NOD1: variants seen among roughly 807,000 people sequenced by gnomAD.
The protein encoded by NOD1 is nucleotide-binding oligomerization domain-containing protein 1.
In NOD1, 70 loss-of-function variants were observed where a neutral mutation model predicts 81.2. The ratio of observed to expected loss-of-function variants is 0.86; its 90% CI spans 0.71 to 1.05. NOD1 has a LOEUF of 1.05. NOD1 is among the 50% of genes least tolerant of loss of function. The pLI, the probability that NOD1 is intolerant of heterozygous loss-of-function variation, is 0.00. For missense variants in NOD1, 1,233 were observed against 1,228.0 expected, an observed-to-expected ratio of 1.00 and a Z score of -0.06; for synonymous variants, 508 against 526.9, an observed-to-expected ratio of 0.96 and a Z score of 0.49.
Position 30,424,679 on chromosome 7 carries a change from CCT to C in NOD1, c.*957_*958del, listed in dbSNP as rs1423330882. ...TGCTGGCCCAGTTCCCAGCCGATCC[CCT>C]GAGTCTTGGCGCCCGTTTAGTCACC... On this transcript the variant is annotated 3_prime_UTR_variant, in exon 14 of 14. Coordinates refer to ENST00000222823, the MANE Select transcript of NOD1 (RefSeq NM_006092.4). 7 of 152,232 alleles carry C rather than the reference CCT, an allele frequency of 4.6e-5. No individual in the cohort carries two copies. The highest frequency in any genetic ancestry group is 2.0e-4 in the Admixed American group (3 of 15,284). 9.4% of individuals were successfully genotyped at this position (152,232 alleles called of 1,614,324 possible).
rs61757653 is a variant in NOD1 at position 30,456,902 on chromosome 7, C to T, written c.20G>A (p.Ser7Asn). 7.0e-4 allele frequency: 1,134 copies of T among 1,614,042 alleles called. 1 individual carries two copies. Among genetic ancestry groups the T allele is most frequent in the Non-Finnish European group, 9.3e-4 (1,102 of 1,179,992 alleles). The change falls in exon 4 of 14, where the codon AGT (serine) becomes AAT (asparagine). Residue 7 changes from serine (S) to asparagine (N), a missense_variant. By Grantham distance (46) the Ser-to-Asn change is conservative. Coordinates refer to ENST00000222823, the MANE Select transcript of NOD1 (RefSeq NM_006092.4). MEEQGH[S>N]EMEIIPSESH... The stretch of plus-strand genomic sequence containing the variant: ...CTCTGATGGGATTATTTCCATCTCA[C>T]TGTGGCCCTGCTCTTCCATAGTTAA...
rs781489015 is a variant in NOD1, at chr7:30,455,166, T to A, written c.347A>T (p.Gln116Leu). The A allele has an allele frequency of 4.3e-6, 7 of 1,614,014 alleles. No individual in the cohort carries two copies. In the East Asian group the frequency reaches 1.6e-4, roughly 36 times the overall value. The stretch of plus-strand genomic sequence containing the variant: ...GTCAGTGTTGACCACGACTTTGCTC[T>A]GAGTGAGCAGGGAAGGGGAGAAGCC... ...EIGFSPSLLT[Q>L]SKVVVNTDPV... The change falls in exon 5 of 14, where the codon CAG (glutamine) becomes CTG (leucine). Residue 116 changes from glutamine (Q) to leucine (L), a missense_variant. Gln to Leu is a moderately radical substitution (Grantham distance 113). Transcript: ENST00000222823.
At chr7:30,458,816 A>G (rs1364022293) in intron 3 of NOD1, among the ~76,000 whole-genome samples, 6 of 150,320 alleles carry the variant, frequency 4.0e-5, no homozygotes, top group African/African-American at 1.5e-4. Context: ...GGCTCACTGC[A>G]ACATCTGCCT....
intron 1 of NOD1, chr7:30,468,988 G>A: frequency 1.0e-6 from 1 of 985,430 alleles, no homozygotes; most frequent in Non-Finnish European, 1.2e-6. Flanking sequence ...ACAGCATCTG[G>A]CAGGAGCCAG....
intron 4 of NOD1, among the ~76,000 whole-genome samples, chr7:30,456,371 GC>G (rs1203171633): frequency 1.3e-5 from 2 of 152,180 alleles, no homozygotes; most frequent in Non-Finnish European, 2.9e-5. Context: ...GCAACAAGCA[GC>G]CCTCCAGCCT....
chr7:30,437,073 T>A (rs1226047316), intron 10 of NOD1, among the ~76,000 whole-genome samples: 1 of 152,178 alleles, frequency 6.6e-6, no homozygotes, highest in Admixed American at 6.5e-5. Flanking sequence ...TGTCCTTTGC[T>A]GGCACATGGA....
intron 5 of NOD1, among the ~76,000 whole-genome samples, chr7:30,454,740 C>G (rs1033300822): frequency 6.6e-6 from 1 of 152,132 alleles, no homozygotes; most frequent in Non-Finnish European, 1.5e-5. Context: ...TCAAGCAGTC[C>G]TCTTGCCTCA....
In NOD1 at chr7:30,437,634, C is replaced by G; in HGVS notation, c.2476G>C (p.Asp826His). 1 of 1,511,650 alleles carries G rather than the reference C, an allele frequency of 6.6e-7. No homozygotes were observed. Among genetic ancestry groups the G allele is most frequent in the Non-Finnish European group, 8.8e-7 (1 of 1,142,390 alleles). The allele number at this position is 1,511,650 out of a possible 1,614,324, so 93.6% of individuals were successfully genotyped here. A position where few individuals can be genotyped will look rare whatever the true frequency, so the allele number is the denominator to read the frequency against. ...TCTGCGAAGGCTTTTGCTCCTTCAT[C>G]CCCAACTTGATTGCCCCACATCCTG... ...EVGMWGNQVG[D>H]EGAKAFAEAL... Residue 826 changes from aspartate (D) to histidine (H), a missense_variant, in exon 10 of 14, where the codon GAT becomes CAT. By Grantham distance (81) the Asp-to-His change is moderately conservative. Transcript: ENST00000222823.
chr7:30,451,807 G>A lies in NOD1; in HGVS notation c.1610C>T (p.Thr537Ile), dbSNP rs753104551. ...FFLVLDDRVG[T>I]QELLRFFQEW... is the part of the protein sequence containing the mutation. ...CTGGAAGAACCTGAGCAGCTCCTGA[G>A]TGCCCACCCTGTCGTCCAGCACGAG... Residue 537 changes from threonine (T) to isoleucine (I), a missense_variant, in exon 6 of 14, where the codon ACT becomes ATT. Coordinates refer to ENST00000222823, the MANE Select transcript of NOD1 (RefSeq NM_006092.4). The surrounding 1 kb of genome is among the most constrained non-coding windows in gnomAD (Gnocchi z 4.2). 1 of 1,613,848 alleles carries A rather than the reference G, an allele frequency of 6.2e-7. No homozygotes were observed. Among genetic ancestry groups the A allele is most frequent in the Admixed American group, 1.7e-5 (1 of 60,036 alleles).
At chr7:30,447,100 T>C in intron 7 of NOD1, 50 bp from the exon 8 acceptor site, 4 of 1,613,096 alleles carry the variant, frequency 2.5e-6, no homozygotes, top group Non-Finnish European at 2.5e-6. Flanking sequence ...GATGTCATTT[T>C]AATAGCCCCT....
In NOD1 at chr7:30,457,433, A is replaced by T. The variant is rs1428609801; in HGVS notation, c.-121-391T>A. ...ACCACTGCACTCCAGCCTGGGTGACAGAGCAAGGCCCTGTCTCTAAAAAAA... is the reference window on the plus strand; with the variant it reads ...ACCACTGCACTCCAGCCTGGGTGACTGAGCAAGGCCCTGTCTCTAAAAAAA... On this transcript the variant is annotated intron_variant, in intron 3 of 13. Transcript: ENST00000222823. Among the ~76,000 whole-genome samples the T allele has an allele frequency of 2.6e-5, 4 of 152,300 alleles. No individual in the cohort carries two copies. The East Asian group carries it at 7.7e-4, about 29-fold the overall frequency.
chr7:30,446,925 T>C, intron 8 of NOD1, 42 bp downstream of exon 8: 1 of 1,470,288 alleles, frequency 6.8e-7, no homozygotes, highest in South Asian at 1.2e-5. Context: ...AAGGGGGTGA[T>C]CAAGAGAATA....
chr7:30,435,741 T>C (rs926914285), intron 11 of NOD1, among the ~76,000 whole-genome samples: 1 of 152,068 alleles, frequency 6.6e-6, no homozygotes, highest in Non-Finnish European at 1.5e-5. Context: ...GGAGAACTGC[T>C]TGAGCCCAGG....
At chr7:30,432,785 CAA>C (rs933946552) in intron 12 of NOD1, among the ~76,000 whole-genome samples, 1 of 152,158 alleles carries the variant, frequency 6.6e-6, no homozygotes, top group Non-Finnish European at 1.5e-5. Flanking sequence ...AACACAGAGA[CAA>C]AAGGTCACAT....
At chr7:30,476,704 G>T (rs1489243078) in intron 1 of NOD1, among the ~76,000 whole-genome samples, 1 of 152,196 alleles carries the variant, frequency 6.6e-6, no homozygotes, top group Non-Finnish European at 1.5e-5. Flanking sequence ...GTGTGTGTGT[G>T]TCAAAATATT....
intron 9 of NOD1, 88 bp downstream of exon 9, chr7:30,446,052 TG>T: frequency 1.0e-6 from 1 of 974,630 alleles, no homozygotes; most frequent in Non-Finnish European, 1.6e-6. Flanking sequence ...GTGGTCCTTC[TG>T]GTGTACTGAT....
chr7:30,429,103 G>T (rs916879869), intron 13 of NOD1, among the ~76,000 whole-genome samples: 2 of 152,206 alleles, frequency 1.3e-5, no homozygotes, highest in African/African-American at 4.8e-5. Flanking sequence ...CCCAATGAAG[G>T]TAGATGAGGG....
chr7:30,446,280 G>A (rs1456641059), intron 8 of NOD1, 56 bp from the exon 9 acceptor site: 4 of 1,280,734 alleles, frequency 3.1e-6, no homozygotes, highest in Admixed American at 1.7e-5. Flanking sequence ...TCCAATGTGG[G>A]TCACCCTCCT....
At chr7:30,464,449 G>A (rs1228530960) in intron 1 of NOD1, among the ~76,000 whole-genome samples, 1 of 152,250 alleles carries the variant, frequency 6.6e-6, no homozygotes, top group Non-Finnish European at 1.5e-5. Flanking sequence ...CAACGTGCAA[G>A]GGCCCCAGCA....
Sources: allele counts gnomAD v4.1 joint callset (sites outside exome capture counted in the v4.1 genomes callset), GRCh38; gene constraint gnomAD v4.1.1; non-coding constraint Gnocchi (gnomAD v3.1); transcripts MANE v1.5; gene names NCBI Gene and HGNC (gene_info 2026-07-23, HGNC 2026-07-21).